Variants in GRM1 observed in about 807,000 individuals in gnomAD.
The protein encoded by GRM1 is glutamate metabotropic receptor 1.
A neutral mutation model predicts 90.9 loss-of-function variants in GRM1; 33 were observed. The ratio of observed to expected loss-of-function variants is 0.36; its 90% CI spans 0.28 to 0.49. The LOEUF (loss-of-function observed/expected upper bound fraction) is 0.49, where lower values mean the gene tolerates loss of function less well. Among genes scored for constraint, GRM1 ranks in the 20% least tolerant of loss-of-function variants. The probability of loss-of-function intolerance (pLI) is 0.99; values close to 1 mark genes in which losing one functional copy is unlikely to be tolerated. For missense variants in GRM1, 1,190 were observed against 1,534.3 expected (o/e 0.78, Z 3.75); for synonymous variants, 700 against 613.2 (o/e 1.14, Z -2.09).
chr6:146,399,259 G>A lies in GRM1; in HGVS notation c.2220G>A (p.Lys740=). 1.2e-6 allele frequency: 2 copies of A among 1,614,002 alleles called. No homozygotes were observed. The highest frequency in any genetic ancestry group is 1.3e-5 in the African/African-American group (1 of 74,994). The change falls in exon 7 of 8, where the codon AAG becomes AAA. Residue 740 remains lysine, a synonymous_variant. Transcript: ENST00000282753. The surrounding 1 kb of genome is among the most constrained non-coding windows in gnomAD (Gnocchi z 5.4). ...PMPILSYPSI[K]EVYLICNTSN... is the part of the protein sequence containing the mutation. ...CCATTCTGTCCTACCCAAGTATCAA[G>A]GAAGTCTACCTTATCTGCAATACCA...
At chr6:146,430,953 T>C (rs575036080) in intron 7 of GRM1, among the ~76,000 whole-genome samples, 5 of 152,318 alleles carry the variant, frequency 3.3e-5, no homozygotes, top group African/African-American at 7.2e-5. Flanking sequence ...ATTTATTCAG[T>C]TTAAAAACAA....
intron 2 of GRM1, among the ~76,000 whole-genome samples, chr6:146,185,950 CT>C (rs1025593174): frequency 1.3e-5 from 2 of 149,974 alleles, no homozygotes; most frequent in African/African-American, 4.9e-5. Flanking sequence ...ACTTTTTTTT[CT>C]TTTTTTTTAA....
intron 2 of GRM1, among the ~76,000 whole-genome samples, chr6:146,301,777 A>G (rs1270484781): frequency 2.0e-5 from 3 of 152,234 alleles, no homozygotes; most frequent in Non-Finnish European, 4.4e-5. Context: ...AGATGTAAAT[A>G]TAAATACATT....
At chr6:146,280,146 C>T (rs1782514985) in intron 2 of GRM1, among the ~76,000 whole-genome samples, 1 of 152,094 alleles carries the variant, frequency 6.6e-6, no homozygotes, top group Non-Finnish European at 1.5e-5. Context: ...CCACCCTGAA[C>T]TATGAATTTT....
At chr6:146,254,215 A>G (rs920544903) in intron 2 of GRM1, among the ~76,000 whole-genome samples, 4 of 152,182 alleles carry the variant, frequency 2.6e-5, no homozygotes, top group Non-Finnish European at 4.4e-5. Flanking sequence ...TCTGGATGCC[A>G]CTGCAAGAAA....
intron 2 of GRM1, among the ~76,000 whole-genome samples, chr6:146,176,300 G>A (rs2114527799): frequency 6.6e-6 from 1 of 152,098 alleles, no homozygotes; most frequent in Middle Eastern, 3.4e-3. Flanking sequence ...GAACTGGAAG[G>A]GATTAATAAA....
chr6:146,119,550 C>A (rs1775900123), intron 1 of GRM1, among the ~76,000 whole-genome samples: 1 of 152,138 alleles, frequency 6.6e-6, no homozygotes, highest in African/African-American at 2.4e-5. Context: ...CCTAGGTTTT[C>A]TTCTAGAGTT....
intron 2 of GRM1, among the ~76,000 whole-genome samples, chr6:146,246,604 T>A (rs1431457975): frequency 2.6e-5 from 4 of 152,210 alleles, no homozygotes; most frequent in African/African-American, 9.6e-5. Flanking sequence ...AAGTTCACCA[T>A]GTTCTATCAC....
rs376112157 is a variant in GRM1 at position 146,212,602 on chromosome 6, C to A, written c.950+53005C>A. On this transcript the variant is annotated intron_variant, in intron 2 of 7. Coordinates refer to ENST00000282753, the MANE Select transcript of GRM1 (RefSeq NM_001278064.2). Reference sequence around the variant, plus strand: ...TCTTTTTAGTCTTAATAGGGGAAACCATTCTTTCATGGAATTGATTATTTG... The same window carrying A: ...TCTTTTTAGTCTTAATAGGGGAAACAATTCTTTCATGGAATTGATTATTTG... Among the ~76,000 whole-genome samples, 8 of 152,110 alleles carry A rather than the reference C, an allele frequency of 5.3e-5. No individual in the cohort carries two copies. In the East Asian group the frequency reaches 1.5e-3, roughly 29 times the overall value.
At chr6:146,249,180 A>T (rs1038524673) in intron 2 of GRM1, among the ~76,000 whole-genome samples, 2 of 152,294 alleles carry the variant, frequency 1.3e-5, no homozygotes, top group African/African-American at 4.8e-5. Flanking sequence ...ATAAAACCCC[A>T]TTTTCTGGGG....
intron 7 of GRM1, among the ~76,000 whole-genome samples, chr6:146,429,538 C>T (rs1269023665): frequency 6.6e-6 from 1 of 152,168 alleles, no homozygotes; most frequent in Admixed American, 6.5e-5. Flanking sequence ...ACCTACTTCT[C>T]AAGCTGCACT....
chr6:146,113,861 G>A (rs1353116083), intron 1 of GRM1, among the ~76,000 whole-genome samples: 1 of 152,138 alleles, frequency 6.6e-6, no homozygotes, highest in African/African-American at 2.4e-5. Flanking sequence ...GTTCATGGCT[G>A]TTTGGGGAGA....
intron 7 of GRM1, among the ~76,000 whole-genome samples, chr6:146,424,213 C>T (rs1017313034): frequency 1.3e-5 from 2 of 152,214 alleles, no homozygotes; most frequent in South Asian, 2.1e-4. Flanking sequence ...CTTGCCACTG[C>T]GTGTTGCCTA....
At position 146,156,388 on chromosome 6, in the gene GRM1, C is replaced by A. The variant is rs930955849; in HGVS notation, c.701-2960C>A. On this transcript the variant is annotated intron_variant, in intron 1 of 7. Transcript: ENST00000282753. ...GCCACTGCACTCCAGCCTGGGCGAC[C>A]AAGAGTGAGACTCCGGCTCAAAAGA... 2.0e-5 allele frequency among the ~76,000 whole-genome samples: 3 copies of A among 152,080 alleles called. No homozygotes were observed. The East Asian group carries it at 5.8e-4, about 29-fold the overall frequency.
At chr6:146,095,410 G>A (rs563534592) in intron 1 of GRM1, among the ~76,000 whole-genome samples, 86 of 152,222 alleles carry the variant, frequency 5.6e-4, no homozygotes, top group African/African-American at 2.0e-3. Flanking sequence ...GAATGGCAGG[G>A]TTTTAGAAGC....
chr6:146,150,919 C>A lies in GRM1; in HGVS notation c.701-8429C>A, dbSNP rs150230896. ...TGGCTGAATAATATTCCTGTATAAA[C>A]ACACACACGCGTGTGCGCGCACACA... On this transcript the variant is annotated intron_variant, in intron 1 of 7. Transcript: ENST00000282753. Among the ~76,000 whole-genome samples, 9 of 110,758 alleles carry A rather than the reference C, an allele frequency of 8.1e-5. No homozygotes were observed. The East Asian group carries it at 2.0e-3, about 24-fold the overall frequency. The allele number at this position is 110,758 out of a possible 152,430, so 72.7% of individuals were successfully genotyped here. A position where few individuals can be genotyped will look rare whatever the true frequency, so the allele number is the denominator to read the frequency against.
intron 1 of GRM1, among the ~76,000 whole-genome samples, chr6:146,120,388 GA>G (rs1369355149): frequency 6.6e-6 from 1 of 152,104 alleles, no homozygotes; most frequent in Admixed American, 6.5e-5. Flanking sequence ...TGCAAACAGG[GA>G]CAATTTGACT....
At chr6:146,093,332 T>C (rs1776772220) in intron 1 of GRM1, among the ~76,000 whole-genome samples, 1 of 152,128 alleles carries the variant, frequency 6.6e-6, no homozygotes, top group African/African-American at 2.4e-5. Context: ...CAGACTCTTG[T>C]TTCCACCTTT....
At chr6:146,034,193 T>C (rs1790803647) in intron 1 of GRM1, among the ~76,000 whole-genome samples, 1 of 152,084 alleles carries the variant, frequency 6.6e-6, no homozygotes, top group African/African-American at 2.4e-5. Flanking sequence ...TCAGTTCTTC[T>C]ATGTAATGAC....
Sources: allele counts gnomAD v4.1 joint callset (sites outside exome capture counted in the v4.1 genomes callset), GRCh38; gene constraint gnomAD v4.1.1; non-coding constraint Gnocchi (gnomAD v3.1); transcripts MANE v1.5; gene names NCBI Gene and HGNC (gene_info 2026-07-23, HGNC 2026-07-21).